The following MKI67 variants were observed in gnomAD, a reference collection of about 807,000 sequenced individuals.
MKI67 encodes marker of proliferation Ki-67, also known as proliferation marker protein Ki-67.
MKI67 carries 152 observed loss-of-function variants against 233.5 expected under a neutral mutation model. The ratio of observed to expected loss-of-function variants is 0.65; its 90% CI spans 0.57 to 0.74. The LOEUF (loss-of-function observed/expected upper bound fraction) is 0.74. MKI67 is among the 30% of genes least tolerant of loss of function. The probability of loss-of-function intolerance (pLI) is 0.00; values close to 1 mark genes in which losing one functional copy is unlikely to be tolerated. For synonymous variants in MKI67, 1,465 were observed against 1,418.5 expected, an observed-to-expected ratio of 1.03 and a Z score of -0.74; for missense variants, 3,940 against 3,885.2, an observed-to-expected ratio of 1.01 and a Z score of -0.37.
chr10:128,112,486 T>A, intron 8 of MKI67, 41 bp from the exon 9 acceptor site: 2 of 1,567,818 alleles, frequency 1.3e-6, no homozygotes, highest in Non-Finnish European at 1.7e-6. Flanking sequence ...TTAACAAGGA[T>A]CTAACATCTC....
chr10:128,111,097 C>T (rs577892675), intron 11 of MKI67, among the ~76,000 whole-genome samples: 3 of 152,298 alleles, frequency 2.0e-5, no homozygotes, highest in African/African-American at 4.8e-5. Context: ...GGATTACAGG[C>T]GTGAGCCACT....
At position 128,108,528 on chromosome 10, in the gene MKI67, G is replaced by A. The variant is rs1460568761; in HGVS notation, c.3312C>T (p.Gly1104=). 6.2e-7 allele frequency: 1 copy of A among 1,614,162 alleles called. No homozygotes were observed. Residue 1104 remains glycine (G), a synonymous_variant, in exon 13 of 15, where the codon GGC becomes GGT. Coordinates refer to ENST00000368654, the MANE Select transcript of MKI67 (RefSeq NM_002417.5). ...EEAQSLEDLA[G]FKELFQTPGP... The stretch of plus-strand genomic sequence containing the variant: ...CTGGTGTCTGGAAGAGCTCTTTGAA[G>A]CCAGCCAGGTCTTCTAGTGACTGGG...
At chr10:128,099,348 G>T in intron 14 of MKI67, 93 bp from the exon 15 acceptor site, 3 of 813,544 alleles carry the variant, frequency 3.7e-6, no homozygotes, top group Non-Finnish European at 5.7e-6. Context: ...GGCTTACTAG[G>T]TATTATGCAG....
rs1399052455 is a variant in MKI67, at chr10:128,125,615, G to A, written c.53C>T (p.Pro18Leu). Residue 18 changes from proline (P) to leucine (L), a missense_variant, in exon 2 of 15, where the codon CCC becomes CTC. Physicochemically the swap from Pro to Leu is moderately conservative, Grantham distance 98. Transcript: ENST00000368654. This position sits in a 1 kb window ranked among gnomAD's most constrained non-coding sequence, Gnocchi z 5.3. The stretch of plus-strand genomic sequence containing the variant: ...GGTGCTGAGGCTCAGGGGAAAGTGG[G>A]GACCGTCGACCCCGCTCCTTTTGAT... Reference protein sequence around the residue: ...VTIKRSGVDGPHFPLSLSTCL... With the variant: ...VTIKRSGVDGLHFPLSLSTCL... The A allele has an allele frequency of 1.2e-6, 2 of 1,613,616 alleles. No homozygotes were observed. Among genetic ancestry groups the A allele is most frequent in the Admixed American group, 1.7e-5 (1 of 60,004 alleles).
intron 4 of MKI67, among the ~76,000 whole-genome samples, chr10:128,120,722 C>T (rs929101995): frequency 6.6e-6 from 1 of 152,012 alleles, no homozygotes; most frequent in Non-Finnish European, 1.5e-5. Flanking sequence ...CCAACTAATA[C>T]GTTGTCTACA....
At position 128,115,705 on chromosome 10, in the gene MKI67, A is replaced by G; in HGVS notation, c.703T>C (p.Ser235Pro). 6.2e-7 allele frequency: 1 copy of G among 1,613,694 alleles called. No homozygotes were observed. Among genetic ancestry groups the G allele is most frequent in the African/African-American group, 1.3e-5 (1 of 74,992 alleles). Residue 235 changes from serine (S) to proline (P), a missense_variant, in exon 7 of 15, where the codon TCT becomes CCT. Physicochemically the swap from Ser to Pro is moderately conservative, Grantham distance 74 (BLOSUM62 -1). Coordinates refer to ENST00000368654, the MANE Select transcript of MKI67 (RefSeq NM_002417.5). The part of the protein sequence containing the change: ...QCLDNSKKNE[S>P]PFWKLYESVK... Reference sequence around the variant, plus strand: ...GACTCATAAAGCTTCCAAAAGGGAGATTCATTTTTTTTGCTATTGTCAAGA... The same window carrying G: ...GACTCATAAAGCTTCCAAAAGGGAGGTTCATTTTTTTTGCTATTGTCAAGA...
intron 11 of MKI67, among the ~76,000 whole-genome samples, chr10:128,110,846 G>A (rs374545190): frequency 4.6e-5 from 7 of 152,170 alleles, no homozygotes; most frequent in African/African-American, 9.7e-5. Flanking sequence ...GGCTGGTGAC[G>A]GGCTCCTGAG....
At position 128,105,068 on chromosome 10, in the gene MKI67, G is replaced by T. The variant is rs150193478; in HGVS notation, c.6772C>A (p.Arg2258=). 2 of 1,613,576 alleles carry T rather than the reference G, an allele frequency of 1.2e-6. No homozygotes were observed. Among genetic ancestry groups the T allele is most frequent in the Non-Finnish European group, 1.7e-6 (2 of 1,179,956 alleles). Residue 2258 remains arginine (R), a synonymous_variant, in exon 13 of 15, where the codon CGA becomes AGA. Transcript: ENST00000368654. ...ATAGCTTTCCCTACTGATGGTGTTC[G>T]TTTCCTGAGTGCTAAGGATTCTTCC... ...VEEESLALRK[R]TPSVGKAMDT... is the part of the protein sequence containing the mutation.
chr10:128,107,168 G>A lies in MKI67; in HGVS notation c.4672C>T (p.Pro1558Ser). The A allele has an allele frequency of 1.9e-6, 3 of 1,613,908 alleles. No individual in the cohort carries two copies. Among genetic ancestry groups the A allele is most frequent in the Non-Finnish European group, 2.5e-6 (3 of 1,180,012 alleles). The change falls in exon 13 of 15, where the codon CCA becomes TCA. Residue 1558 changes from proline (P) to serine (S), a missense_variant. Transcript: ENST00000368654. ...TCTGTCAGGTCCAGTTTCTGCACTG[G>A]AGTTCCCATAAATGCGTAGATGTTT... ...EKNIYAFMGTPVQKLDLTENL... is the reference protein window; with the variant it reads ...EKNIYAFMGTSVQKLDLTENL...
At position 128,109,157 on chromosome 10, in the gene MKI67, C is replaced by A; in HGVS notation, c.2683G>T (p.Glu895Ter). The change falls in exon 13 of 15, where the codon GAA becomes TAA. Residue 895 changes from glutamate to a stop codon, truncating the protein, a stop_gained. Transcript: ENST00000368654. LOFTEE classifies it high-confidence loss of function. ...CACTCAACAATTTCTGTATTTGTTT[C>A]TTCACTCTTACTTTCCACAGGTAGC... is the stretch of plus-strand genomic sequence containing the variant. The part of the protein sequence containing the change: ...QKLPVESKSE[E>*]TNTEIVECIL... The A allele has an allele frequency of 1.2e-6, 2 of 1,614,120 alleles. No homozygotes were observed. The highest frequency in any genetic ancestry group is 1.7e-6 in the Non-Finnish European group (2 of 1,180,018).
In MKI67 at chr10:128,101,696, T is replaced by C. The variant is rs769770979; in HGVS notation, c.9267A>G (p.Ile3089Met). Reference sequence around the variant, plus strand: ...TATTTTGGCGTCTGGAGCGCAGGGATATTCCCTAAAGAAATGAGAAGACAT... The same window carrying C: ...TATTTTGGCGTCTGGAGCGCAGGGACATTCCCTAAAGAAATGAGAAGACAT... ...LQDSVPENKGISLRSRRQNKT... is the reference protein window; with the variant it reads ...LQDSVPENKGMSLRSRRQNKT... The change falls in exon 14 of 15, where the codon ATA (isoleucine) becomes ATG (methionine). Residue 3089 changes from isoleucine (I) to methionine (M), a missense_variant. Physicochemically the swap from Ile to Met is conservative, Grantham distance 10 (BLOSUM62 1). Transcript: ENST00000368654. The C allele has an allele frequency of 1.3e-6, 2 of 1,580,462 alleles. No individual in the cohort carries two copies. The highest frequency in any genetic ancestry group is 1.7e-6 in the Non-Finnish European group (2 of 1,167,652).
chr10:128,107,467 T>C lies in MKI67; in HGVS notation c.4373A>G (p.Lys1458Arg). ...GTCTTCTAGGGGTTGGGCCTTTTCC[T>C]TAGTTTTTGGGTGCCTCTTGCTACC... ...VTGSKRHPKTKEKAQPLEDLA... is the reference protein window; with the variant it reads ...VTGSKRHPKTREKAQPLEDLA... The change falls in exon 13 of 15, where the codon AAG becomes AGG. Residue 1458 changes from lysine (K) to arginine (R), a missense_variant. Lys to Arg is a conservative substitution (Grantham distance 26). Coordinates refer to ENST00000368654, the MANE Select transcript of MKI67 (RefSeq NM_002417.5). 1 of 1,614,096 alleles carries C rather than the reference T, an allele frequency of 6.2e-7. No homozygotes were observed. The highest frequency in any genetic ancestry group is 8.5e-7 in the Non-Finnish European group (1 of 1,180,030).
In MKI67 at chr10:128,119,265, T is replaced by C. The variant is rs767201004; in HGVS notation, c.342A>G (p.Lys114=). 5.7e-5 allele frequency: 91 copies of C among 1,607,384 alleles called. No homozygotes were observed. Among genetic ancestry groups the C allele is most frequent in the Non-Finnish European group, 7.5e-5 (88 of 1,174,240 alleles). The change falls in exon 5 of 15, where the codon AAA becomes AAG. Residue 114 remains lysine (K), a synonymous_variant. Coordinates refer to ENST00000368654, the MANE Select transcript of MKI67 (RefSeq NM_002417.5). ...TATTTTCTATCACCTGTTCACGTAT[T>C]TTTCTTGGAAATTCAGTTGACTTCC... ...NGRKSTEFPR[K]IREQEPARRV... is the part of the protein sequence containing the mutation.
Position 128,115,516 on chromosome 10 carries a change from C to T in MKI67, c.892G>A (p.Gly298Arg). ...GGCTCTGCCACAGCGTGGCCGCTCC[C>T]ACCAGATTTTGGTCTTGACTTACGC... ...VSRKSRPKSG[G>R]SGHAVAEPAS... The change falls in exon 7 of 15, where the codon GGG (glycine) becomes AGG (arginine). Residue 298 changes from glycine (G) to arginine (R), a missense_variant. By Grantham distance (125) the Gly-to-Arg change is moderately radical (BLOSUM62 -2). Transcript: ENST00000368654. 6.2e-7 allele frequency: 1 copy of T among 1,614,224 alleles called. No homozygotes were observed. The highest frequency in any genetic ancestry group is 8.5e-7 in the Non-Finnish European group (1 of 1,180,046).
chr10:128,106,111 G>A lies in MKI67; in HGVS notation c.5729C>T (p.Ala1910Val), dbSNP rs771264236. The change falls in exon 13 of 15, where the codon GCA (alanine) becomes GTA (valine). Residue 1910 changes from alanine to valine, a missense_variant. Ala to Val is a moderately conservative substitution (Grantham distance 64, BLOSUM62 0). Coordinates refer to ENST00000368654, the MANE Select transcript of MKI67 (RefSeq NM_002417.5). ...GTTGATGTCTTTCTCTTCACCTACT[G>A]CTGCTTTAGGCGTGTGCATGGCTTT... ...AGKAMHTPKA[A>V]VGEEKDINTF... is the part of the protein sequence containing the mutation. 1.9e-6 allele frequency: 3 copies of A among 1,614,006 alleles called. No individual in the cohort carries two copies. The South Asian group carries it at 3.3e-5, about 18-fold the overall frequency.
rs1359127363 is a variant in MKI67, at chr10:128,107,258, T to G, written c.4582A>C (p.Arg1528=). The G allele has an allele frequency of 1.2e-6, 2 of 1,614,064 alleles. No homozygotes were observed. The highest frequency in any genetic ancestry group is 2.7e-5 in the African/African-American group (2 of 74,924). ...TTGCCTGCTGATGGTGTTCGTTTCC[T>G]GAGTGCGAAGAATTCTTCTTCTACG... ...VDVEEEFFAL[R]KRTPSAGKAM... is the part of the protein sequence containing the mutation. The change falls in exon 13 of 15, where the codon AGG becomes CGG. Residue 1528 remains arginine, a synonymous_variant. Coordinates refer to ENST00000368654, the MANE Select transcript of MKI67 (RefSeq NM_002417.5).
Position 128,113,618 on chromosome 10 carries a change from C to A in MKI67, c.1481-16G>T, listed in dbSNP as rs771653333. On this transcript the variant is annotated splice_polypyrimidine_tract_variant and intron_variant, in intron 7 of 14. Coordinates refer to ENST00000368654, the MANE Select transcript of MKI67 (RefSeq NM_002417.5). ...TCACTCTCATCTAAAGTAACGGATA[C>A]AAATGTGGAAAGAGCAATGAAAAAA... 2 of 1,608,688 alleles carry A rather than the reference C, an allele frequency of 1.2e-6. No homozygotes were observed.
In MKI67 at chr10:128,104,210, T is replaced by C. The variant is rs1430470665; in HGVS notation, c.7630A>G (p.Arg2544Gly). ...DPAASVTGSR[R>G]QLRTRKEKAR... ...TTTTCCTTACGAGTTCTCAGCTGCCTCCTGCTACCAGTTACACTTGCTGCT... is the reference window on the plus strand; with the variant it reads ...TTTTCCTTACGAGTTCTCAGCTGCCCCCTGCTACCAGTTACACTTGCTGCT... Residue 2544 changes from arginine (R) to glycine (G), a missense_variant, in exon 13 of 15, where the codon AGG (arginine) becomes GGG (glycine). Transcript: ENST00000368654. The C allele has an allele frequency of 6.2e-7, 1 of 1,614,078 alleles. No individual in the cohort carries two copies. The highest frequency in any genetic ancestry group is 8.5e-7 in the Non-Finnish European group (1 of 1,180,012).
At position 128,105,279 on chromosome 10, in the gene MKI67, T is replaced by C; in HGVS notation, c.6561A>G (p.Lys2187=). The part of the protein sequence containing the change: ...SKRQPRTPKG[K]AQPLEDLAGL... ...CAGCCAAGTCTTCTAGGGGTTGGGC[T>C]TTTCCCTTAGGAGTTCTTGGCTGCC... The change falls in exon 13 of 15, where the codon AAA becomes AAG. Residue 2187 remains lysine (K), a synonymous_variant. Coordinates refer to ENST00000368654, the MANE Select transcript of MKI67 (RefSeq NM_002417.5). The C allele has an allele frequency of 2.5e-6, 4 of 1,613,892 alleles. No homozygotes were observed. In the East Asian group the frequency reaches 6.7e-5, roughly 27 times the overall value.
Sources: gnomAD v4.1 joint callset for allele counts (sites outside exome capture counted in the v4.1 genomes callset) on GRCh38, gnomAD v4.1.1 for gene constraint, Gnocchi (gnomAD v3.1) non-coding constraint, MANE v1.5 for transcripts, NCBI Gene and HGNC (gene_info 2026-07-23, HGNC 2026-07-21) for gene names.